CNTNAP2: variants seen among roughly 807,000 people sequenced by gnomAD.
The protein encoded by CNTNAP2 is contactin associated protein 2, also known as contactin-associated protein-like 2.
CNTNAP2 carries 98 observed loss-of-function variants against 155.2 expected under a neutral mutation model. That is an observed-to-expected ratio of 0.63 (90% CI 0.54 to 0.75). The LOEUF (loss-of-function observed/expected upper bound fraction) is 0.75, where lower values mean the gene tolerates loss of function less well. Ranked by LOEUF, CNTNAP2 falls within the 30% of genes least tolerant of loss-of-function variation. The probability of loss-of-function intolerance (pLI) is 0.00; values close to 1 mark genes in which losing one functional copy is unlikely to be tolerated. For synonymous variants in CNTNAP2, 651 were observed against 631.2 expected, an observed-to-expected ratio of 1.03 and a Z score of -0.47; for missense variants, 1,727 against 1,688.1, an observed-to-expected ratio of 1.02 and a Z score of -0.40.
At chr7:148,321,920 G>A (rs1053090449) in intron 21 of CNTNAP2, among the ~76,000 whole-genome samples, 12 of 148,268 alleles carry the variant, frequency 8.1e-5, no homozygotes, top group Admixed American at 6.1e-4. Context: ...TTTCTGAGAC[G>A]GATTCTCGCT....
intron 13 of CNTNAP2, among the ~76,000 whole-genome samples, chr7:147,718,524 A>G (rs1298443736): frequency 6.6e-6 from 1 of 152,156 alleles, no homozygotes; most frequent in Non-Finnish European, 1.5e-5. Flanking sequence ...CTCTTACAAA[A>G]CAAAATATAT....
At chr7:146,801,001 G>C (rs1044412290) in intron 2 of CNTNAP2, among the ~76,000 whole-genome samples, 2 of 151,958 alleles carry the variant, frequency 1.3e-5, no homozygotes, top group Admixed American at 6.6e-5. Context: ...TAAGTGTATT[G>C]GTCTGTTTTG....
intron 11 of CNTNAP2, among the ~76,000 whole-genome samples, chr7:147,488,887 T>C (rs1017373848): frequency 1.3e-5 from 2 of 152,212 alleles, no homozygotes; most frequent in Non-Finnish European, 2.9e-5. Context: ...CTTCAAGCCA[T>C]TGTGAGATTA....
chr7:147,769,221 A>T (rs1245481535), intron 13 of CNTNAP2, among the ~76,000 whole-genome samples: 1 of 152,180 alleles, frequency 6.6e-6, no homozygotes, highest in Non-Finnish European at 1.5e-5. Flanking sequence ...CAGAATAAAG[A>T]GGAATAAACA....
At chr7:148,007,142 C>T (rs963783358) in intron 15 of CNTNAP2, among the ~76,000 whole-genome samples, 1 of 152,222 alleles carries the variant, frequency 6.6e-6, no homozygotes, top group African/African-American at 2.4e-5. Flanking sequence ...ATTATTGCAT[C>T]TCTTTGTCTT....
At chr7:146,685,828 G>A (rs1800587932) in intron 1 of CNTNAP2, among the ~76,000 whole-genome samples, 1 of 152,118 alleles carries the variant, frequency 6.6e-6, no homozygotes, top group Admixed American at 6.5e-5. Context: ...CTAATGGAAA[G>A]AACTGTTTAT....
At chr7:147,213,721 G>T (rs1803205715) in intron 8 of CNTNAP2, among the ~76,000 whole-genome samples, 2 of 152,080 alleles carry the variant, frequency 1.3e-5, no homozygotes, top group Non-Finnish European at 2.9e-5. Context: ...TTGTCTGCAG[G>T]CTGGAAACCC....
chr7:146,947,095 G>GACC (rs976370731), intron 3 of CNTNAP2, among the ~76,000 whole-genome samples: 5 of 151,670 alleles, frequency 3.3e-5, no homozygotes, highest in Non-Finnish European at 7.4e-5. Context: ...GCAGTGGCGT[G>GACC]ACCTCAGCTC....
chr7:147,861,999 C>CAAAAAAAAAAAAAAAAAAA (rs57139075), intron 13 of CNTNAP2, among the ~76,000 whole-genome samples: 20 of 94,956 alleles, frequency 2.1e-4, no homozygotes, highest in Non-Finnish European at 3.3e-4. Flanking sequence ...CTCCATCTCA[C>CAAAAAAAAAAAAAAAAAAA]AAAAAAAAAA....
At chr7:146,935,215 A>G (rs902626821) in intron 3 of CNTNAP2, among the ~76,000 whole-genome samples, 22 of 152,136 alleles carry the variant, frequency 1.4e-4, no homozygotes, top group African/African-American at 5.3e-4. Flanking sequence ...TACTATCTTG[A>G]GACTCTTATC....
intron 10 of CNTNAP2, among the ~76,000 whole-genome samples, chr7:147,400,438 G>T (rs1249648920): frequency 6.6e-6 from 1 of 152,144 alleles, no homozygotes; most frequent in African/African-American, 2.4e-5. Flanking sequence ...TGTGGTTGTA[G>T]CCAGGACACA....
chr7:147,287,691 T>C (rs1404707), intron 8 of CNTNAP2, among the ~76,000 whole-genome samples: 72,792 of 151,740 alleles, frequency 0.48, 18,182 homozygotes, highest in East Asian at 0.76. Flanking sequence ...ACTGCCTACC[T>C]GATATCTCTA....
intron 12 of CNTNAP2, among the ~76,000 whole-genome samples, chr7:147,623,178 C>A (rs1353556314): frequency 2.0e-5 from 3 of 152,048 alleles, no homozygotes; most frequent in Non-Finnish European, 4.4e-5. Context: ...GAAAGCCTTT[C>A]CTCGAAGATC....
Position 146,273,086 on chromosome 7 carries a change from A to AAGAGAGAGAG in CNTNAP2, c.97+156131_97+156140dup, listed in dbSNP as rs58582637. Among the ~76,000 whole-genome samples the AAGAGAGAGAG allele has an allele frequency of 4.3e-3, 599 of 138,050 alleles. 4 individuals carry two copies. The highest frequency in any genetic ancestry group is 0.015 in the African/African-American group (532 of 34,410). The allele number at this position is 138,050 out of a possible 152,430, so 90.6% of individuals were successfully genotyped here. A position where few individuals can be genotyped will look rare whatever the true frequency, so the allele number is the denominator to read the frequency against. On this transcript the variant is annotated intron_variant, in intron 1 of 23. Coordinates refer to ENST00000361727, the MANE Select transcript of CNTNAP2 (RefSeq NM_014141.6). Reference sequence around the variant, plus strand: ...AGGGTGGAAGGGTGAGAGAAAGAGAAAGAGAGAGAGAGAGAGAGAGAGAGA... The same window carrying AAGAGAGAGAG: ...AGGGTGGAAGGGTGAGAGAAAGAGAAAGAGAGAGAGAGAGAGAGAGAGAGAGAGAGAGAGA...
At chr7:146,914,315 G>A (rs1796350457) in intron 3 of CNTNAP2, among the ~76,000 whole-genome samples, 2 of 151,824 alleles carry the variant, frequency 1.3e-5, no homozygotes, top group South Asian at 2.1e-4. Context: ...GGTACCCAGG[G>A]CACGATTACT....
chr7:146,186,091 T>A (rs1798619699), intron 1 of CNTNAP2, among the ~76,000 whole-genome samples: 1 of 152,146 alleles, frequency 6.6e-6, no homozygotes, highest in African/African-American at 2.4e-5. Flanking sequence ...TTAAGGATTG[T>A]AATCACTGTC....
intron 1 of CNTNAP2, among the ~76,000 whole-genome samples, chr7:146,765,552 C>A (rs1428899825): frequency 6.6e-6 from 1 of 152,136 alleles, no homozygotes; most frequent in Non-Finnish European, 1.5e-5. Context: ...TTGTGTTATG[C>A]TGCATGACAG....
intron 20 of CNTNAP2, among the ~76,000 whole-genome samples, chr7:148,251,199 G>C (rs1166737194): frequency 6.6e-6 from 1 of 152,166 alleles, no homozygotes; most frequent in African/African-American, 2.4e-5. Context: ...CAAGCAGCTG[G>C]CTACAAATTC....
chr7:146,839,787 C>A lies in CNTNAP2; in HGVS notation c.285C>A (p.Ile95=). Residue 95 remains isoleucine (I), a synonymous_variant, in exon 3 of 24, where the codon ATC becomes ATA. Transcript: ENST00000361727. ...LQVDFGNRKQ[I]SAIATQGRYS... is the part of the protein sequence containing the mutation. The stretch of plus-strand genomic sequence containing the variant: ...TTGACTTTGGCAATCGGAAGCAGAT[C>A]AGTGCCATTGCAACCCAAGGAAGGT... The A allele has an allele frequency of 6.2e-7, 1 of 1,614,142 alleles. No homozygotes were observed. The highest frequency in any genetic ancestry group is 2.2e-5 in the East Asian group (1 of 44,870).
Sources: allele counts gnomAD v4.1 joint callset (sites outside exome capture counted in the v4.1 genomes callset), GRCh38; gene constraint gnomAD v4.1.1; transcripts MANE v1.5; gene names NCBI Gene and HGNC (gene_info 2026-07-23, HGNC 2026-07-21).